Variants in KCNC2 observed in about 807,000 individuals in gnomAD.
KCNC2 encodes the protein potassium voltage-gated channel subfamily C member 2.
KCNC2 carries 21 observed loss-of-function variants against 44.5 expected under a neutral mutation model. The observed-to-expected ratio is 0.47, with a 90% CI of 0.33 to 0.68. KCNC2 has a LOEUF of 0.68. Among genes scored for constraint, KCNC2 ranks in the 30% least tolerant of loss-of-function variants. The pLI is 0.01. For missense variants in KCNC2, 589 were observed against 826.2 expected, an observed-to-expected ratio of 0.71 and a Z score of 3.52; for synonymous variants, 391 against 339.1, an observed-to-expected ratio of 1.15 and a Z score of -1.68.
At chr12:75,076,424 T>C (rs904854688) in intron 2 of KCNC2, among the ~76,000 whole-genome samples, 3 of 152,054 alleles carry the variant, frequency 2.0e-5, no homozygotes, top group Admixed American at 6.5e-5. Flanking sequence ...AGGCGCCCGC[T>C]ACCACGCCCG....
intron 2 of KCNC2, among the ~76,000 whole-genome samples, chr12:75,174,356 T>C (rs1482921633): frequency 6.6e-6 from 1 of 151,914 alleles, no homozygotes; most frequent in Non-Finnish European, 1.5e-5. Flanking sequence ...AATGCTGATA[T>C]ATAAAACTCA....
At chr12:75,160,661 A>G (rs536795582) in intron 2 of KCNC2, among the ~76,000 whole-genome samples, 1 of 151,960 alleles carries the variant, frequency 6.6e-6, no homozygotes, top group Admixed American at 6.6e-5. Context: ...TTGTTTGAAA[A>G]CAATATGCTT....
At chr12:75,102,042 A>G (rs1886411897) in intron 2 of KCNC2, among the ~76,000 whole-genome samples, 1 of 152,100 alleles carries the variant, frequency 6.6e-6, no homozygotes, top group Admixed American at 6.6e-5. Context: ...TGTCAAGAAT[A>G]ATTTCTTTGC....
At chr12:75,085,360 G>C (rs1235735793) in intron 2 of KCNC2, among the ~76,000 whole-genome samples, 1 of 152,024 alleles carries the variant, frequency 6.6e-6, no homozygotes, top group Non-Finnish European at 1.5e-5. Flanking sequence ...GAAGAGAATG[G>C]GGGAAGAGGA....
At chr12:75,182,038 G>T (rs977942473) in intron 2 of KCNC2, among the ~76,000 whole-genome samples, 1 of 136,602 alleles carries the variant, frequency 7.3e-6, no homozygotes, top group Admixed American at 8.2e-5. Context: ...ATTTTTAGAT[G>T]AGAGAACTGA....
At chr12:75,208,059 A>C in intron 1 of KCNC2, 57 bp from the exon 2 acceptor site, 1 of 1,586,538 alleles carries the variant, frequency 6.3e-7, no homozygotes, top group Non-Finnish European at 8.6e-7. Flanking sequence ...AAGACACACC[A>C]TGACCCCCAC....
intron 2 of KCNC2, among the ~76,000 whole-genome samples, chr12:75,173,596 A>G (rs1260988349): frequency 3.3e-5 from 5 of 151,926 alleles, no homozygotes; most frequent in Admixed American, 3.3e-4. Flanking sequence ...ATCCATGCCA[A>G]TGATTGCCAT....
chr12:75,076,662 C>T (rs1282068086), intron 2 of KCNC2, among the ~76,000 whole-genome samples: 1 of 152,066 alleles, frequency 6.6e-6, no homozygotes, highest in East Asian at 1.9e-4. Flanking sequence ...CAATAAGATG[C>T]TTTACTTATG....
At chr12:75,189,049 G>T (rs2029944562) in intron 2 of KCNC2, among the ~76,000 whole-genome samples, 1 of 152,140 alleles carries the variant, frequency 6.6e-6, no homozygotes, top group African/African-American at 2.4e-5. Context: ...TCAAGCTCTT[G>T]AAATGAAAAT....
chr12:75,188,427 T>A (rs1205982108), intron 2 of KCNC2, among the ~76,000 whole-genome samples: 1 of 152,192 alleles, frequency 6.6e-6, no homozygotes, highest in Non-Finnish European at 1.5e-5. Flanking sequence ...ACATTGGGAA[T>A]TTCAGATAAG....
intron 2 of KCNC2, among the ~76,000 whole-genome samples, chr12:75,083,573 C>T (rs1316866087): frequency 6.6e-6 from 1 of 151,882 alleles, no homozygotes; most frequent in East Asian, 1.9e-4. Flanking sequence ...ATCTTAGTTT[C>T]TTCACATAAA....
At chr12:75,141,705 T>C (rs1424262796) in intron 2 of KCNC2, among the ~76,000 whole-genome samples, 2 of 152,198 alleles carry the variant, frequency 1.3e-5, no homozygotes, top group African/African-American at 4.8e-5. Flanking sequence ...CTAATATAAA[T>C]TTAGTATAAT....
At chr12:75,170,784 G>A (rs1477049023) in intron 2 of KCNC2, among the ~76,000 whole-genome samples, 1 of 151,688 alleles carries the variant, frequency 6.6e-6, no homozygotes, top group African/African-American at 2.4e-5. Flanking sequence ...CCACGTTTCA[G>A]GGCAACACCC....
chr12:75,111,184 T>C (rs1037140315), intron 2 of KCNC2, among the ~76,000 whole-genome samples: 5 of 152,206 alleles, frequency 3.3e-5, no homozygotes, highest in Non-Finnish European at 5.9e-5. Flanking sequence ...ATATGTGCTG[T>C]AATTCTCTGT....
rs74110619 is a variant in KCNC2 at position 75,206,294 on chromosome 12, T to C, written c.687+1003A>G. Among the ~76,000 whole-genome samples the C allele has an allele frequency of 9.4e-3, 1,432 of 152,340 alleles. 18 individuals carry two copies. The highest frequency in any genetic ancestry group is 0.032 in the African/African-American group (1,330 of 41,574). On this transcript the variant is annotated intron_variant, in intron 2 of 4. Transcript: ENST00000549446. ...AGATTTAACTGAATACAGTACTTTG[T>C]TCTCATATATAATTAAAAACCATTC...
intron 2 of KCNC2, among the ~76,000 whole-genome samples, chr12:75,167,318 T>C (rs1335891238): frequency 6.6e-6 from 1 of 151,366 alleles, no homozygotes; most frequent in East Asian, 1.9e-4. Flanking sequence ...TTATTTATTT[T>C]TTCATTTGTA....
chr12:75,051,084 T>C lies in KCNC2; in HGVS notation c.921A>G (p.Lys307=). ...FLVRIVFSPN[K]LEFIKNLLNI... ...TCAAGAGATTTTTGATGAATTCAAG[T>C]TTATTGGGTGAAAAAACAATACGGA... The change falls in exon 3 of 5, where the codon AAA becomes AAG. Residue 307 remains lysine (K), a synonymous_variant. Coordinates refer to ENST00000549446, the MANE Select transcript of KCNC2 (RefSeq NM_139137.4). 6.2e-7 allele frequency: 1 copy of C among 1,613,638 alleles called. No individual in the cohort carries two copies. Among genetic ancestry groups the C allele is most frequent in the Non-Finnish European group, 8.5e-7 (1 of 1,179,762 alleles).
At chr12:75,128,736 C>T (rs922691070) in intron 2 of KCNC2, among the ~76,000 whole-genome samples, 2 of 152,154 alleles carry the variant, frequency 1.3e-5, no homozygotes, top group Non-Finnish European at 2.9e-5. Flanking sequence ...GCTTTAAACT[C>T]ATTAATTTCA....
intron 3 of KCNC2, 38 bp downstream of exon 3, chr12:75,050,352 A>G: frequency 2.1e-6 from 3 of 1,399,964 alleles, no homozygotes; most frequent in Non-Finnish European, 3.0e-6. Context: ...ACTGGTCTAT[A>G]AAGTATTTAA....
Sources: allele counts gnomAD v4.1 joint callset (sites outside exome capture counted in the v4.1 genomes callset), GRCh38; gene constraint gnomAD v4.1.1; transcripts MANE v1.5; gene names NCBI Gene and HGNC (gene_info 2026-07-23, HGNC 2026-07-21).